Variants in DNAH5 observed in about 807,000 individuals in gnomAD.
The protein encoded by DNAH5 is axonemal beta dynein heavy chain 5.
In DNAH5, 372 loss-of-function variants were observed where a neutral mutation model predicts 518.2. That is an observed-to-expected ratio of 0.72 (90% CI 0.66 to 0.78). The LOEUF (loss-of-function observed/expected upper bound fraction) is 0.78. Among genes scored for constraint, DNAH5 ranks in the 30% least tolerant of loss-of-function variants. The pLI is 0.00. For synonymous variants in DNAH5, 2,039 were observed against 2,025.9 expected (o/e 1.01, Z -0.17); for missense variants, 5,523 against 5,687.0 (o/e 0.97, Z 0.93).
At chr5:14,000,153 A>C (rs1784249592) in intron 1 of DNAH5, among the ~76,000 whole-genome samples, 1 of 152,158 alleles carries the variant, frequency 6.6e-6, no homozygotes, top group South Asian at 2.1e-4. Context: ...TGAGGTCACT[A>C]GGGTGGGCTC....
chr5:13,868,073 T>C (rs928981972), intron 24 of DNAH5, 81 bp from the exon 25 acceptor site: 3 of 1,075,426 alleles, frequency 2.8e-6, no homozygotes, highest in Non-Finnish European at 2.8e-6. Context: ...ATGATAAGAA[T>C]GGAAAATACC....
In DNAH5 at chr5:13,700,783, G is replaced by A. The variant is rs759136593; in HGVS notation, c.13580C>T (p.Ala4527Val). The A allele has an allele frequency of 2.5e-6, 4 of 1,614,124 alleles. No individual in the cohort carries two copies. The highest frequency in any genetic ancestry group is 3.4e-6 in the Non-Finnish European group (4 of 1,180,010). ...GACATAGACACCCTCTGTGGGAGGG[G>A]CAGAAATGTCGTCCTTCATCCATTT... ...VTKWMKDDIS[A>V]PPTEGVYVYG... The change falls in exon 78 of 79, where the codon GCC (alanine) becomes GTC (valine). Residue 4527 changes from alanine to valine, a missense_variant. Around this residue, in one of 3 missense-constraint regions of DNAH5, gnomAD observed 387 missense variants for 430.0 expected, o/e 0.90. Coordinates refer to ENST00000265104, the MANE Select transcript of DNAH5 (RefSeq NM_001369.3).
Position 13,693,105 on chromosome 5 carries a change from C to T in DNAH5, c.13724-970G>A, listed in dbSNP as rs573721513. 7.9e-5 allele frequency among the ~76,000 whole-genome samples: 12 copies of T among 152,294 alleles called. No homozygotes were observed. The South Asian group carries it at 2.5e-3, about 32-fold the overall frequency. ...GAAATAGTATATTATTTAATATTCT[C>T]TTCCAGATTATACATTTTTTGAGGA... On this transcript the variant is annotated intron_variant, in intron 78 of 78. Coordinates refer to ENST00000265104, the MANE Select transcript of DNAH5 (RefSeq NM_001369.3).
chr5:13,977,497 T>TCA (rs34930917), intron 1 of DNAH5, among the ~76,000 whole-genome samples: 128,116 of 151,940 alleles, frequency 0.84, 54,194 homozygotes, highest in East Asian at 1. Flanking sequence ...TCCCTCATTC[T>TCA]CACATCCCAA....
In DNAH5 at chr5:13,829,635, T is replaced by C; in HGVS notation, c.6319A>G (p.Met2107Val). The C allele has an allele frequency of 1.9e-6, 3 of 1,614,214 alleles. No individual in the cohort carries two copies. Among genetic ancestry groups the C allele is most frequent in the Non-Finnish European group, 2.5e-6 (3 of 1,180,024 alleles). ...ATGATAATCTGACGGTCAGGCACCATCATGGCCACTGAGCGGAAATTAATC... is the reference window on the plus strand; with the variant it reads ...ATGATAATCTGACGGTCAGGCACCACCATGGCCACTGAGCGGAAATTAATC... ...LKINFRSVAMMVPDRQIIIRV... is the reference protein window; with the variant it reads ...LKINFRSVAMVVPDRQIIIRV... The change falls in exon 38 of 79, where the codon ATG becomes GTG. Residue 2107 changes from methionine (M) to valine (V), a missense_variant. Met to Val is a conservative substitution (Grantham distance 21, BLOSUM62 1). This residue lies in a region of DNAH5 where 5,121 missense variants were observed against 5,223.3 expected (regional missense o/e 0.98). Transcript: ENST00000265104.
chr5:13,947,349 AG>A (rs1449738898), upstream of DNAH5, among the ~76,000 whole-genome samples: 1 of 152,192 alleles, frequency 6.6e-6, no homozygotes, highest in Non-Finnish European at 1.5e-5. Flanking sequence ...TTAATAGAAA[AG>A]TGCAACTTTG....
intron 1 of DNAH5, among the ~76,000 whole-genome samples, chr5:14,011,645 T>C (rs938325937): frequency 9.9e-5 from 15 of 152,042 alleles, no homozygotes; most frequent in Admixed American, 6.5e-5. Flanking sequence ...GCGCGCACAG[T>C]ACCAGTTTGT....
chr5:13,981,297 G>A (rs1782657341), intron 1 of DNAH5, among the ~76,000 whole-genome samples: 1 of 152,184 alleles, frequency 6.6e-6, no homozygotes, highest in African/African-American at 2.4e-5. Flanking sequence ...TGAAGAAAAT[G>A]TACTTGATCA....
intron 65 of DNAH5, among the ~76,000 whole-genome samples, chr5:13,742,696 A>G (rs1443376623): frequency 6.6e-6 from 1 of 152,122 alleles, no homozygotes. Flanking sequence ...TATCATTGTT[A>G]ACAAATTTGT....
chr5:13,968,829 A>C (rs570150177), intron 1 of DNAH5, among the ~76,000 whole-genome samples: 39 of 152,318 alleles, frequency 2.6e-4, no homozygotes, highest in Non-Finnish European at 4.9e-4. Context: ...GTGGCTTTAT[A>C]GAATGATTTA....
chr5:13,829,876 A>G (rs1412923524), intron 37 of DNAH5, 150 bp downstream of exon 37: 3 of 1,073,598 alleles, frequency 2.8e-6, no homozygotes, highest in Non-Finnish European at 4.2e-6. Context: ...TATTCATATG[A>G]TCTTTGCTTA....
chr5:13,866,889 C>T (rs1308253157), intron 25 of DNAH5, among the ~76,000 whole-genome samples: 1 of 152,150 alleles, frequency 6.6e-6, no homozygotes, highest in Admixed American at 6.5e-5. Flanking sequence ...GGTCTCATTA[C>T]ACAACATATT....
At chr5:13,916,544 G>T in intron 8 of DNAH5, 89 bp from the exon 9 acceptor site, 1 of 650,634 alleles carries the variant, frequency 1.5e-6, no homozygotes, top group East Asian at 3.1e-5. Flanking sequence ...TTAAAATAAA[G>T]TTTAAGAGCT....
intron 58 of DNAH5, among the ~76,000 whole-genome samples, chr5:13,766,644 C>CA (rs1489963597): frequency 2.6e-5 from 4 of 152,222 alleles, no homozygotes; most frequent in Non-Finnish European, 5.9e-5. Flanking sequence ...AGGGTAGCCA[C>CA]AGGGCTGACA....
At chr5:13,943,702 G>A (rs568300537) in intron 1 of DNAH5, among the ~76,000 whole-genome samples, 3 of 152,260 alleles carry the variant, frequency 2.0e-5, no homozygotes, top group African/African-American at 7.2e-5. Flanking sequence ...ACAGGCTAGG[G>A]GGGATCATGT....
intron 1 of DNAH5, among the ~76,000 whole-genome samples, chr5:13,995,119 G>A (rs549707022): frequency 1.1e-4 from 17 of 152,168 alleles, no homozygotes; most frequent in East Asian, 1.9e-4. Context: ...GTCAGTTTTC[G>A]TTTCTCATTT....
intron 47 of DNAH5, among the ~76,000 whole-genome samples, chr5:13,795,000 C>A (rs567960373): frequency 6.6e-6 from 1 of 152,018 alleles, no homozygotes; most frequent in Non-Finnish European, 1.5e-5. Flanking sequence ...ACCTTCATTG[C>A]AGTACACAAA....
At position 13,753,321 on chromosome 5, in the gene DNAH5, G is replaced by A. The variant is rs886043929; in HGVS notation, c.10784C>T (p.Thr3595Met). The A allele has an allele frequency of 5.0e-6, 8 of 1,613,784 alleles. No homozygotes were observed. In the African/African-American group the frequency reaches 5.3e-5, roughly 11 times the overall value. The change falls in exon 63 of 79, where the codon ACG becomes ATG. Residue 3595 changes from threonine (T) to methionine (M), a missense_variant. Physicochemically the swap from Thr to Met is moderately conservative, Grantham distance 81 (BLOSUM62 -1). Transcript: ENST00000265104. ...DLSIQNGIIV[T>M]KASRYPLLID... ...TAACAAAGGGTAACGAGATGCCTTC[G>A]TGACAATAATTCCATTTTGAATGGA...
chr5:13,705,194 C>A (rs1370617129), intron 76 of DNAH5, among the ~76,000 whole-genome samples: 1 of 152,182 alleles, frequency 6.6e-6, no homozygotes, highest in South Asian at 2.1e-4. Context: ...CGGGGTTTCA[C>A]CGTGCTAGCC....
Sources: allele counts gnomAD v4.1 joint callset (sites outside exome capture counted in the v4.1 genomes callset), GRCh38; gene constraint gnomAD v4.1.1; regional missense constraint gnomAD v4.1.1; transcripts MANE v1.5; gene names NCBI Gene and HGNC (gene_info 2026-07-23, HGNC 2026-07-21).